The following PRELID2 variants were observed in gnomAD, a reference collection of about 807,000 sequenced individuals.
The protein encoded by PRELID2 is PRELI domain-containing protein 2.
A neutral mutation model predicts 28.4 loss-of-function variants in PRELID2; 25 were observed. The ratio of observed to expected loss-of-function variants is 0.88; its 90% confidence interval spans 0.64 to 1.23. PRELID2 has a LOEUF of 1.23. PRELID2 is among the 50% of genes most tolerant of loss of function. The pLI, the probability that PRELID2 is intolerant of heterozygous loss-of-function variation, is 0.00. For missense variants in PRELID2, 201 were observed against 214.4 expected (o/e 0.94, Z 0.39); for synonymous variants, 76 against 71.6 (o/e 1.06, Z -0.31).
At chr5:145,338,166 A>C in the PRELID2 span, 1 of 152,122 alleles carries the variant, frequency 6.6e-6, no homozygotes, top group East Asian at 1.9e-4. Context: ...TGTTTTACTC[A>C]CTGTTGATGC....
intron 1 of PRELID2, among the ~76,000 whole-genome samples, chr5:145,715,399 G>C (rs1755814948): frequency 6.6e-6 from 1 of 151,958 alleles, no homozygotes; most frequent in Admixed American, 6.6e-5. Context: ...ATCGCCTCTT[G>C]CCTAGACCAT....
At chr5:145,732,612 T>C (rs759609954) in intron 1 of PRELID2, among the ~76,000 whole-genome samples, 10 of 152,230 alleles carry the variant, frequency 6.6e-5, no homozygotes, top group Non-Finnish European at 1.3e-4. Flanking sequence ...TTCACTGTAC[T>C]GGATAATTCA....
At chr5:145,807,841 A>G (rs1281862676) in intron 4 of PRELID2, among the ~76,000 whole-genome samples, 1 of 152,182 alleles carries the variant, frequency 6.6e-6, no homozygotes, top group African/African-American at 2.4e-5. Flanking sequence ...TGCTACATAC[A>G]GGGGATACAG....
At chr5:145,509,774 G>C (rs1416036647) in intron 1 of PRELID2, among the ~76,000 whole-genome samples, 1 of 152,062 alleles carries the variant, frequency 6.6e-6, no homozygotes, top group African/African-American at 2.4e-5. Context: ...TTAATATTGA[G>C]GAAATGGTTG....
intron 1 of PRELID2, among the ~76,000 whole-genome samples, chr5:145,517,443 C>T (rs949642845): frequency 6.6e-6 from 1 of 152,064 alleles, no homozygotes; most frequent in African/African-American, 2.4e-5. Flanking sequence ...CGATGAGATA[C>T]CATCTCATGC....
chr5:145,747,157 G>T (rs551377137), intron 1 of PRELID2, among the ~76,000 whole-genome samples: 1 of 151,094 alleles, frequency 6.6e-6, no homozygotes, highest in East Asian at 2.0e-4. Flanking sequence ...CCAAAAGCTA[G>T]CAGAAGACAA....
At chr5:145,289,492 C>T in the PRELID2 span, among the ~76,000 whole-genome samples, 26 of 152,160 alleles carry the variant, frequency 1.7e-4, no homozygotes, top group East Asian at 5.0e-3. Context: ...GTTTGTGCAT[C>T]CATTTGTTTA....
the PRELID2 span, among the ~76,000 whole-genome samples, chr5:145,388,495 C>T: frequency 6.6e-6 from 1 of 152,142 alleles, no homozygotes; most frequent in African/African-American, 2.4e-5. Flanking sequence ...TTAATCCTCA[C>T]CACATTCATG....
intron 5 of PRELID2, among the ~76,000 whole-genome samples, chr5:145,772,531 T>C (rs946189647): frequency 6.6e-6 from 1 of 152,202 alleles, no homozygotes; most frequent in Non-Finnish European, 1.5e-5. Context: ...TGCTGTGTTA[T>C]AACATGGCAG....
At chr5:145,646,821 C>T (rs1045448315) in intron 1 of PRELID2, among the ~76,000 whole-genome samples, 1 of 152,192 alleles carries the variant, frequency 6.6e-6, no homozygotes, top group African/African-American at 2.4e-5. Flanking sequence ...ACTCCAGACC[C>T]TGTTTGCCTG....
At chr5:145,486,824 A>G (rs2126622475) in intron 1 of PRELID2, among the ~76,000 whole-genome samples, 1 of 151,710 alleles carries the variant, frequency 6.6e-6, no homozygotes, top group Admixed American at 6.6e-5. Flanking sequence ...CACAATAGCA[A>G]AGACTTGGAA....
the PRELID2 span, among the ~76,000 whole-genome samples, chr5:145,460,061 G>T: frequency 6.6e-6 from 1 of 152,068 alleles, no homozygotes; most frequent in South Asian, 2.1e-4. Flanking sequence ...CTCCTGCCTC[G>T]GCCTCCCAAA....
At chr5:145,805,345 A>T (rs566211425) in intron 4 of PRELID2, among the ~76,000 whole-genome samples, 7 of 152,290 alleles carry the variant, frequency 4.6e-5, no homozygotes, top group Admixed American at 3.3e-4. Context: ...ATGCTTTATA[A>T]GATTAACAAG....
intron 1 of PRELID2, among the ~76,000 whole-genome samples, chr5:145,711,274 C>A (rs1212776163): frequency 6.6e-6 from 1 of 152,096 alleles, no homozygotes; most frequent in African/African-American, 2.4e-5. Flanking sequence ...AGGACAGTGA[C>A]CTACAAAATC....
At chr5:145,742,061 T>C (rs1300861074) in intron 1 of PRELID2, among the ~76,000 whole-genome samples, 2 of 89,774 alleles carry the variant, frequency 2.2e-5, no homozygotes, top group Non-Finnish European at 4.1e-5. Context: ...TTTATTAATT[T>C]ATTTATAATT....
the PRELID2 span, among the ~76,000 whole-genome samples, chr5:145,274,366 G>T: frequency 6.6e-6 from 1 of 152,116 alleles, no homozygotes; most frequent in Non-Finnish European, 1.5e-5. Context: ...AGTCATTACT[G>T]CTGATTAAAT....
chr5:145,336,683 T>C, the PRELID2 span, among the ~76,000 whole-genome samples: 1 of 152,020 alleles, frequency 6.6e-6, no homozygotes, highest in East Asian at 1.9e-4. Flanking sequence ...TGCAGCACTA[T>C]TCACAATAGC....
intron 5 of PRELID2, among the ~76,000 whole-genome samples, chr5:145,783,899 C>T (rs1302259106): frequency 6.6e-6 from 1 of 152,074 alleles, no homozygotes; most frequent in African/African-American, 2.4e-5. Flanking sequence ...ATTGTGACTA[C>T]CCGTGTATGT....
At chr5:145,347,679 T>C in the PRELID2 span, among the ~76,000 whole-genome samples, 1 of 152,084 alleles carries the variant, frequency 6.6e-6, no homozygotes, top group Non-Finnish European at 1.5e-5. Flanking sequence ...TGCCTCTTAG[T>C]AGCAGCTTTT....
Sources: allele counts gnomAD v4.1 joint callset (sites outside exome capture counted in the v4.1 genomes callset), GRCh38; gene constraint gnomAD v4.1.1; transcripts MANE v1.5; gene names NCBI Gene and HGNC (gene_info 2026-07-23, HGNC 2026-07-21).